Variants in MTMR12 observed in about 807,000 individuals in gnomAD.
MTMR12 encodes myotubularin related protein 12, also known as myotubularin-related protein 12.
In MTMR12, 33 loss-of-function variants were observed where a neutral mutation model predicts 96.7. That is an observed-to-expected ratio of 0.34 (90% CI 0.26 to 0.46). MTMR12 has a LOEUF of 0.46. Among genes scored for constraint, MTMR12 ranks in the 20% least tolerant of loss-of-function variants. MTMR12 has a pLI of 1.00. For synonymous variants in MTMR12, 298 were observed against 327.2 expected (o/e 0.91, Z 0.96); for missense variants, 721 against 896.1 (o/e 0.80, Z 2.49).
chr5:32,254,988 G>A (rs1749082622), intron 8 of MTMR12, among the ~76,000 whole-genome samples: 1 of 152,172 alleles, frequency 6.6e-6, no homozygotes, highest in Non-Finnish European at 1.5e-5. Flanking sequence ...CCTAGACCAG[G>A]CGGAGGGCCT....
At chr5:32,302,577 C>T (rs1751194556) in intron 1 of MTMR12, among the ~76,000 whole-genome samples, 1 of 152,042 alleles carries the variant, frequency 6.6e-6, no homozygotes, top group South Asian at 2.1e-4. Context: ...ATTAGCCAGG[C>T]ATGGTGGCAC....
chr5:32,237,303 T>C (rs1000795516), intron 13 of MTMR12, among the ~76,000 whole-genome samples: 4 of 152,234 alleles, frequency 2.6e-5, no homozygotes, highest in African/African-American at 7.2e-5. Flanking sequence ...CAAGGGAGTG[T>C]GTACAGCTGT....
chr5:32,260,737 A>G (rs540971976), intron 7 of MTMR12, among the ~76,000 whole-genome samples: 1,540 of 138,896 alleles, frequency 0.011, 14 homozygotes, highest in Non-Finnish European at 0.018. Flanking sequence ...GGCGGGGGGG[A>G]GGGGGACCAG....
chr5:32,247,838 G>C lies in MTMR12; in HGVS notation c.1021+164C>G, dbSNP rs184969207. On this transcript the variant is annotated intron_variant, in intron 10 of 15. Coordinates refer to ENST00000382142, the MANE Select transcript of MTMR12 (RefSeq NM_001040446.3). ...GAAAGCCTGGAGAGAGATGGAGAGG[G>C]AAGTGTGGTAATGGCAGCCAGACCC... 9.2e-6 allele frequency: 9 copies of C among 977,870 alleles called. No homozygotes were observed. The Admixed American group carries it at 4.9e-4, about 53-fold the overall frequency. The allele number at this position is 977,870 out of a possible 1,614,324, so 60.6% of individuals were successfully genotyped here.
At chr5:32,285,841 C>T (rs1750521906) in intron 1 of MTMR12, among the ~76,000 whole-genome samples, 3 of 152,150 alleles carry the variant, frequency 2.0e-5, no homozygotes, top group Admixed American at 2.0e-4. Flanking sequence ...GCTGGTCTAG[C>T]ATCAAAAAAG....
At chr5:32,235,596 C>T (rs1030507556) in intron 13 of MTMR12, among the ~76,000 whole-genome samples, 9 of 152,152 alleles carry the variant, frequency 5.9e-5, no homozygotes, top group African/African-American at 1.4e-4. Context: ...CACCTGCCCA[C>T]ACACTAACTG....
Position 32,297,551 on chromosome 5 carries a change from G to GTT in MTMR12, c.81+15205_81+15206dup, listed in dbSNP as rs61395255. ...GACCCTGCTTTTTTCCTGACCTCAG[G>GTT]TTTTTTTTTTTTTTTTGAAGGAAGA... is the stretch of plus-strand genomic sequence containing the variant. On this transcript the variant is annotated intron_variant, in intron 1 of 15. Coordinates refer to ENST00000382142, the MANE Select transcript of MTMR12 (RefSeq NM_001040446.3). Among the ~76,000 whole-genome samples the GTT allele has an allele frequency of 3.3e-3, 476 of 142,870 alleles. 2 individuals are homozygous for GTT. The highest frequency in any genetic ancestry group is 0.012 in the African/African-American group (450 of 38,712). The allele number at this position is 142,870 out of a possible 152,430, so 93.7% of individuals were successfully genotyped here.
chr5:32,266,265 T>A (rs1749589216), intron 6 of MTMR12, among the ~76,000 whole-genome samples: 1 of 152,194 alleles, frequency 6.6e-6, no homozygotes, highest in Admixed American at 6.5e-5. Context: ...TTAGTCCTGT[T>A]TATCTCCATA....
intron 1 of MTMR12, among the ~76,000 whole-genome samples, chr5:32,306,562 T>A (rs1007784490): frequency 6.6e-6 from 1 of 152,068 alleles, no homozygotes; most frequent in Non-Finnish European, 1.5e-5. Context: ...ATTAACACCA[T>A]ATATATATAT....
In MTMR12 at chr5:32,240,007, CAT is replaced by C. The variant is rs371016178; in HGVS notation, c.1172-836_1172-835del. Among the ~76,000 whole-genome samples the C allele has an allele frequency of 1.1e-3, 170 of 152,344 alleles. 1 individual carries two copies. Among genetic ancestry groups the C allele is most frequent in the African/African-American group, 3.8e-3 (158 of 41,578 alleles). On this transcript the variant is annotated intron_variant, in intron 12 of 15. Transcript: ENST00000382142. ...TCCTAAAAGTCAGGGTCTACATCCC[CAT>C]AGTTTCCCTTTCACAAAAATAGGTG...
intron 1 of MTMR12, among the ~76,000 whole-genome samples, chr5:32,299,314 CA>C: frequency 6.6e-6 from 1 of 152,122 alleles, no homozygotes; most frequent in Non-Finnish European, 1.5e-5. Flanking sequence ...TCACCATTAG[CA>C]AGTAGGAAGC....
chr5:32,308,989 A>C (rs1751472170), intron 1 of MTMR12, among the ~76,000 whole-genome samples: 1 of 152,252 alleles, frequency 6.6e-6, no homozygotes, highest in African/African-American at 2.4e-5. Context: ...AGACTACAAC[A>C]ACGAGGCATA....
intron 8 of MTMR12, among the ~76,000 whole-genome samples, chr5:32,255,023 A>G (rs1010436554): frequency 6.6e-6 from 1 of 152,078 alleles, no homozygotes; most frequent in Non-Finnish European, 1.5e-5. Context: ...GGTCATACTC[A>G]TTACCTGCTT....
intron 4 of MTMR12, among the ~76,000 whole-genome samples, 193 bp from the exon 5 acceptor site, chr5:32,271,140 G>C (rs572385520): frequency 4.7e-4 from 71 of 152,360 alleles, no homozygotes; most frequent in African/African-American, 1.6e-3. Flanking sequence ...TCTGAGAGCA[G>C]TCAGCGTGCT....
At position 32,228,364 on chromosome 5, in the gene MTMR12, A is replaced by C. The variant is rs1747810780; in HGVS notation, c.*1414T>G. Reference sequence around the variant, plus strand: ...ACATGTAACATTCAAATTGGGATCCATACTGAAGAGCAAATATATGTAAAA... The same window carrying C: ...ACATGTAACATTCAAATTGGGATCCCTACTGAAGAGCAAATATATGTAAAA... On this transcript the variant is annotated 3_prime_UTR_variant, in exon 16 of 16. Transcript: ENST00000382142. 6.6e-6 allele frequency: 1 copy of C among 151,942 alleles called. No homozygotes were observed. The highest frequency in any genetic ancestry group is 6.6e-5 in the Admixed American group (1 of 15,218). 9.4% of individuals were successfully genotyped at this position (151,942 alleles called of 1,614,324 possible).
intron 1 of MTMR12, among the ~76,000 whole-genome samples, chr5:32,290,993 A>G (rs912319938): frequency 6.6e-6 from 1 of 152,190 alleles, no homozygotes; most frequent in African/African-American, 2.4e-5. Context: ...CGTGCACAGC[A>G]ACATTCCATC....
rs1748858088 is a variant in MTMR12 at position 32,250,096 on chromosome 5, C to T, written c.790-1218G>A. On this transcript the variant is annotated intron_variant, in intron 8 of 15. Transcript: ENST00000382142. ...GTGGCGTAGACCGAGAGTTAGAGAT[C>T]GGCATGACAATCCAGGTGATATTGT... is the stretch of plus-strand genomic sequence containing the variant. 2.6e-5 allele frequency among the ~76,000 whole-genome samples: 4 copies of T among 152,292 alleles called. No homozygotes were observed. The South Asian group carries it at 8.3e-4, about 32-fold the overall frequency.
At chr5:32,264,512 G>C (rs541363932) in intron 6 of MTMR12, among the ~76,000 whole-genome samples, 2 of 151,618 alleles carry the variant, frequency 1.3e-5, no homozygotes, top group Non-Finnish European at 2.9e-5. Context: ...CCAGGCTGGA[G>C]TGCAGCGGCG....
chr5:32,239,725 C>T (rs1440296386), intron 12 of MTMR12, among the ~76,000 whole-genome samples: 2 of 152,236 alleles, frequency 1.3e-5, no homozygotes, highest in Non-Finnish European at 2.9e-5. Context: ...TTTAATATTT[C>T]TTGACTGTAG....
Sources: allele counts gnomAD v4.1 joint callset (sites outside exome capture counted in the v4.1 genomes callset), GRCh38; gene constraint gnomAD v4.1.1; transcripts MANE v1.5; gene names NCBI Gene and HGNC (gene_info 2026-07-23, HGNC 2026-07-21).